ERCC2: variants seen among roughly 807,000 people sequenced by gnomAD.
ERCC2 encodes the protein ERCC excision repair 2, TFIIH core complex helicase subunit.
Under a neutral mutation model 99.4 loss-of-function variants are expected in ERCC2, and 90 were observed. The ratio of observed to expected loss-of-function variants is 0.91; its 90% CI spans 0.76 to 1.08. ERCC2 has a LOEUF of 1.08. Ranked by LOEUF, ERCC2 falls within the 50% of genes least tolerant of loss-of-function variation. ERCC2 has a pLI of 0.00. For synonymous variants in ERCC2, 497 were observed against 432.4 expected, an observed-to-expected ratio of 1.15 and a Z score of -1.85; for missense variants, 993 against 1,038.1, an observed-to-expected ratio of 0.96 and a Z score of 0.60.
intron 10 of ERCC2, 28 bp downstream of exon 10, chr19:45,363,958 T>TA (rs1568541837): frequency 3.3e-6 from 5 of 1,531,908 alleles, no homozygotes; most frequent in Middle Eastern, 1.7e-4. Flanking sequence ...GGAAAGGGAC[T>TA]GGGGGGCAGC....
chr19:45,360,106 G>A (rs1308122838), intron 12 of ERCC2, among the ~76,000 whole-genome samples: 1 of 148,128 alleles, frequency 6.8e-6, no homozygotes, highest in Non-Finnish European at 1.5e-5. Context: ...TTGAGACGGA[G>A]TCTTCGCTCT....
At chr19:45,352,714 T>G (rs372462756) in intron 20 of ERCC2, 32 bp downstream of exon 20, 1 of 1,613,922 alleles carries the variant, frequency 6.2e-7, no homozygotes, top group Non-Finnish European at 8.5e-7. Flanking sequence ...ATCCTAACAC[T>G]GTGGGACTCC....
At position 45,352,517 on chromosome 19, in the gene ERCC2, A is replaced by G. The variant is rs1408935510; in HGVS notation, c.2035T>C (p.Phe679Leu). The G allele has an allele frequency of 1.2e-6, 2 of 1,614,186 alleles. No individual in the cohort carries two copies. Among genetic ancestry groups the G allele is most frequent in the Non-Finnish European group, 8.5e-7 (1 of 1,180,040 alleles). ...RGKTDYGLMV[F>L]ADKRFARGDK... is the part of the protein sequence containing the mutation. ...CCCTGAAGCTGCACCTTGTCGGCAA[A>G]GACCATGAGGCCGTAGTCCGTCTTG... Residue 679 changes from phenylalanine to leucine, a missense_variant, in exon 21 of 23, where the codon TTT (phenylalanine) becomes CTT (leucine). Physicochemically the swap from Phe to Leu is conservative, Grantham distance 22. Coordinates refer to ENST00000391945, the MANE Select transcript of ERCC2 (RefSeq NM_000400.4).
In ERCC2 at chr19:45,352,743, C is replaced by T. The variant is rs750034185; in HGVS notation, c.1902+3G>A. On this transcript the variant is annotated splice_donor_region_variant and intron_variant, in intron 20 of 22. Coordinates refer to ENST00000391945, the MANE Select transcript of ERCC2 (RefSeq NM_000400.4). ...GGACTCCCTGGGAGACAGAGCTACT[C>T]ACCTTGAGAATGCGGCTCTGTGTGT... The T allele has an allele frequency of 3.1e-6, 5 of 1,614,006 alleles. No individual in the cohort carries two copies. The highest frequency in any genetic ancestry group is 4.2e-6 in the Non-Finnish European group (5 of 1,179,948).
chr19:45,358,057 G>T (rs1972075851), intron 12 of ERCC2: 1 of 393,838 alleles, frequency 2.5e-6, no homozygotes, highest in African/African-American at 2.0e-5. Context: ...TCTTGTTTTT[G>T]TTTTTTGAGA....
chr19:45,365,264 A>G, intron 5 of ERCC2, 106 bp from the exon 6 acceptor site: 1 of 820,888 alleles, frequency 1.2e-6, no homozygotes, highest in South Asian at 1.4e-5. Context: ...GACAACTTGA[A>G]CCTCAGTCTG....
rs1239493817 is a variant in ERCC2, at chr19:45,351,002, G to A, written c.*627C>T. The A allele has an allele frequency of 3.1e-6, 5 of 1,614,124 alleles. No individual in the cohort carries two copies. Among genetic ancestry groups the A allele is most frequent in the Non-Finnish European group, 4.2e-6 (5 of 1,180,026 alleles). On this transcript the variant is annotated 3_prime_UTR_variant, in exon 23 of 23. Transcript: ENST00000391945. ...ACACACTGAACGTGGATGCTCCAAG[G>A]GCTCCTGGGACTCAGGTGAGGGGGA...
In ERCC2 at chr19:45,354,182, C is replaced by T. The variant is rs111478643; in HGVS notation, c.1665+548G>A. On this transcript the variant is annotated intron_variant, in intron 17 of 22. Coordinates refer to ENST00000391945, the MANE Select transcript of ERCC2 (RefSeq NM_000400.4). ...ATGGTGTGCTCAGAGGCACAAAGTGCAGAGTGGCCTCCCCTCCCACCCATG... is the reference window on the plus strand; with the variant it reads ...ATGGTGTGCTCAGAGGCACAAAGTGTAGAGTGGCCTCCCCTCCCACCCATG... 4.6e-3 allele frequency among the ~76,000 whole-genome samples: 700 copies of T among 152,340 alleles called. 7 individuals carry two copies. The highest frequency in any genetic ancestry group is 0.015 in the African/African-American group (643 of 41,572).
In ERCC2 at chr19:45,351,665, C is replaced by CGA; in HGVS notation, c.2246_2247insTC (p.Leu750ArgfsTer2). ...GAGCAATCTGCTCTATCCTCTTCAG[C>CGA]GTCTCCTCTGATTCTAGCTGCTCCA... On this transcript the variant is annotated frameshift_variant, in exon 23 of 23. Coordinates refer to ENST00000391945, the MANE Select transcript of ERCC2 (RefSeq NM_000400.4). LOFTEE classifies it high-confidence loss of function. The CGA allele has an allele frequency of 6.2e-7, 1 of 1,614,038 alleles. No individual in the cohort carries two copies. The highest frequency in any genetic ancestry group is 8.5e-7 in the Non-Finnish European group (1 of 1,180,014).
At position 45,350,218 on chromosome 19, in the gene ERCC2, TCAAGAC is replaced by T. The variant is rs1335660551; in HGVS notation, c.*1405_*1410del. On this transcript the variant is annotated 3_prime_UTR_variant, in exon 23 of 23. Transcript: ENST00000391945. ...AGGAGGATCACTTGAGGCTAGGAGT[TCAAGAC>T]CAGCCTGGGCAACATACCAAGACCC... The T allele has an allele frequency of 1.9e-5, 14 of 719,994 alleles. No individual in the cohort carries two copies. In the African/African-American group the frequency reaches 2.2e-4, roughly 11 times the overall value. 44.6% of individuals were successfully genotyped at this position (719,994 alleles called of 1,614,324 possible).
intron 11 of ERCC2, 168 bp from the exon 12 acceptor site, chr19:45,361,810 C>A (rs1254087911): frequency 1.5e-6 from 1 of 666,028 alleles, no homozygotes; most frequent in Admixed American, 2.1e-5. Flanking sequence ...ACGCTGTACA[C>A]CTGCATGTCA....
chr19:45,360,633 C>T (rs993640489), intron 12 of ERCC2, among the ~76,000 whole-genome samples: 1 of 152,082 alleles, frequency 6.6e-6, no homozygotes, highest in African/African-American at 2.4e-5. Context: ...CCACCTCGGC[C>T]CCCCAAACTG....
rs557327626 is a variant in ERCC2 at position 45,356,581 on chromosome 19, G to C, written c.1479+689C>G. On this transcript the variant is annotated intron_variant, in intron 15 of 22. Transcript: ENST00000391945. Reference sequence around the variant, plus strand: ...TCCCAGCACTTCGGGAGGACCAGGCGGGCGGATCACTTGAGGTCAGGAGTT... The same window carrying C: ...TCCCAGCACTTCGGGAGGACCAGGCCGGCGGATCACTTGAGGTCAGGAGTT... 9.2e-5 allele frequency among the ~76,000 whole-genome samples: 14 copies of C among 152,286 alleles called. 1 individual carries two copies. In the South Asian group the frequency reaches 2.7e-3, roughly 29 times the overall value.
rs759437159 is a variant in ERCC2, at chr19:45,354,714, G to T, written c.1665+16C>A. 2 of 1,613,308 alleles carry T rather than the reference G, an allele frequency of 1.2e-6. No individual in the cohort carries two copies. Among genetic ancestry groups the T allele is most frequent in the African/African-American group, 2.7e-5 (2 of 74,888 alleles). ...ACTGAGGAGAGCAGGTGCAGGGAGG[G>T]GGTGGCCAGGCGTACCTGCTCATAC... On this transcript the variant is annotated intron_variant, in intron 17 of 22. Coordinates refer to ENST00000391945, the MANE Select transcript of ERCC2 (RefSeq NM_000400.4).
chr19:45,366,880 A>G (rs1972439991), intron 5 of ERCC2, among the ~76,000 whole-genome samples: 1 of 152,054 alleles, frequency 6.6e-6, no homozygotes, highest in Admixed American at 6.6e-5. Flanking sequence ...CTAAAAATAC[A>G]AAAAACTAGC....
At position 45,352,354 on chromosome 19, in the gene ERCC2, T is replaced by C; in HGVS notation, c.2047-2A>G. On this transcript the variant is annotated splice_acceptor_variant, in intron 21 of 22. Coordinates refer to ENST00000391945, the MANE Select transcript of ERCC2 (RefSeq NM_000400.4). LOFTEE classifies it high-confidence loss of function. Reference sequence around the variant, plus strand: ...CCGCTTGTCCCCACGGGCAAACCGCTGTGGGCAGAAGCGCAGGCCAGGGAC... The same window carrying C: ...CCGCTTGTCCCCACGGGCAAACCGCCGTGGGCAGAAGCGCAGGCCAGGGAC... 6.2e-7 allele frequency: 1 copy of C among 1,613,840 alleles called. No homozygotes were observed. The highest frequency in any genetic ancestry group is 2.2e-5 in the East Asian group (1 of 44,878).
Position 45,370,245 on chromosome 19 carries a change from G to C in ERCC2, c.6-13C>G, listed in dbSNP as rs762140799. ...GTCCACGTTGAGCCTGGCGGCAGGG[G>C]CTGCTGGGTCAGTTCCCGTCCCCTC... On this transcript the variant is annotated splice_polypyrimidine_tract_variant and intron_variant, in intron 1 of 22. Coordinates refer to ENST00000391945, the MANE Select transcript of ERCC2 (RefSeq NM_000400.4). The C allele has an allele frequency of 6.2e-7, 1 of 1,612,890 alleles. No individual in the cohort carries two copies. Among genetic ancestry groups the C allele is most frequent in the Non-Finnish European group, 8.5e-7 (1 of 1,179,304 alleles).
chr19:45,354,953 A>C, intron 16 of ERCC2, 102 bp from the exon 17 acceptor site: 1 of 1,510,274 alleles, frequency 6.6e-7, no homozygotes, highest in Non-Finnish European at 9.2e-7. Context: ...GCTGCCTGTC[A>C]GGCTTTTCAC....
At chr19:45,358,882 T>G (rs749301975) in intron 12 of ERCC2, 1 of 780,860 alleles carries the variant, frequency 1.3e-6, no homozygotes, top group Non-Finnish European at 2.4e-6. Flanking sequence ...TCTTTTTTGG[T>G]TCCTGCTGCT....
Sources: allele counts gnomAD v4.1 joint callset (sites outside exome capture counted in the v4.1 genomes callset), GRCh38; gene constraint gnomAD v4.1.1; transcripts MANE v1.5; gene names NCBI Gene and HGNC (gene_info 2026-07-23, HGNC 2026-07-21).